Variants in SLC4A10 observed in about 807,000 individuals in gnomAD.
SLC4A10 encodes sodium-driven chloride bicarbonate exchanger.
A neutral mutation model predicts 137.7 loss-of-function variants in SLC4A10; 42 were observed. The ratio of observed to expected loss-of-function variants is 0.30; its 90% confidence interval spans 0.24 to 0.39. The LOEUF (loss-of-function observed/expected upper bound fraction) is 0.39, where lower values mean the gene tolerates loss of function less well. SLC4A10 is among the 10% of genes least tolerant of loss of function. SLC4A10 has a pLI of 1.00. For synonymous variants in SLC4A10, 474 were observed against 464.1 expected (o/e 1.02, Z -0.27); for missense variants, 925 against 1,355.0 (o/e 0.68, Z 4.98).
At chr2:161,633,885 T>C (rs1274707353) in intron 1 of SLC4A10, among the ~76,000 whole-genome samples, 1 of 151,796 alleles carries the variant, frequency 6.6e-6, no homozygotes, top group Non-Finnish European at 1.5e-5. Context: ...AAACTAATTT[T>C]ATCATTTTTT....
At chr2:161,941,623 A>T (rs553867455) in intron 15 of SLC4A10, among the ~76,000 whole-genome samples, 4 of 152,324 alleles carry the variant, frequency 2.6e-5, no homozygotes, top group Admixed American at 2.6e-4. Context: ...CTCCATGTTC[A>T]GTGTTCTCTT....
chr2:161,932,293 A>G (rs959849798), intron 15 of SLC4A10, among the ~76,000 whole-genome samples: 1 of 152,150 alleles, frequency 6.6e-6, no homozygotes, highest in African/African-American at 2.4e-5. Context: ...TTTTTACCTA[A>G]CACTGCCACT....
intron 8 of SLC4A10, among the ~76,000 whole-genome samples, chr2:161,878,280 A>G (rs1301244713): frequency 6.6e-6 from 1 of 152,158 alleles, no homozygotes; most frequent in African/African-American, 2.4e-5. Flanking sequence ...ATAAAAAGCT[A>G]CTCAAGTGAA....
At chr2:161,896,616 A>G (rs1305760999) in intron 11 of SLC4A10, among the ~76,000 whole-genome samples, 2 of 152,090 alleles carry the variant, frequency 1.3e-5, no homozygotes, top group Non-Finnish European at 2.9e-5. Flanking sequence ...ACTACAAACC[A>G]CTGCTCAATG....
intron 15 of SLC4A10, among the ~76,000 whole-genome samples, chr2:161,930,109 C>T (rs1690053115): frequency 6.6e-6 from 1 of 152,104 alleles, no homozygotes; most frequent in Non-Finnish European, 1.5e-5. Flanking sequence ...ATATTCATAG[C>T]CATCTGGTTC....
At chr2:161,715,472 G>T (rs533051282) in intron 1 of SLC4A10, among the ~76,000 whole-genome samples, 1 of 152,124 alleles carries the variant, frequency 6.6e-6, no homozygotes, top group South Asian at 2.1e-4. Flanking sequence ...GCATGCATTA[G>T]CTATTTTTCC....
In SLC4A10 at chr2:161,872,333, T is replaced by C; in HGVS notation, c.807T>C (p.Val269=). ...CTCCTCAGTCTGCTCCAGCCTGTGT[T>C]GAAAATAAAAATGATGTTAGCAGAG... The part of the protein sequence containing the change: ...VVSPQSAPAC[V]ENKNDVSREN... The change falls in exon 7 of 27, where the codon GTT becomes GTC. Residue 269 remains valine (V), a synonymous_variant. Coordinates refer to ENST00000446997, the MANE Select transcript of SLC4A10 (RefSeq NM_001178015.2). The C allele has an allele frequency of 1.9e-6, 3 of 1,613,692 alleles. No individual in the cohort carries two copies. Among genetic ancestry groups the C allele is most frequent in the Non-Finnish European group, 2.5e-6 (3 of 1,179,730 alleles).
intron 1 of SLC4A10, among the ~76,000 whole-genome samples, chr2:161,746,862 C>T (rs1447650498): frequency 2.0e-5 from 3 of 152,130 alleles, no homozygotes; most frequent in Non-Finnish European, 2.9e-5. Flanking sequence ...GTCCGAGTCA[C>T]TCTAGAAATG....
chr2:161,692,449 AT>A (rs1395786611), intron 1 of SLC4A10, among the ~76,000 whole-genome samples: 1 of 152,122 alleles, frequency 6.6e-6, no homozygotes, highest in Non-Finnish European at 1.5e-5. Context: ...CACCTCAAGT[AT>A]TTGAATATAA....
intron 1 of SLC4A10, among the ~76,000 whole-genome samples, chr2:161,666,063 A>G (rs1003115523): frequency 6.6e-6 from 1 of 151,138 alleles, no homozygotes; most frequent in Non-Finnish European, 1.5e-5. Flanking sequence ...AAGTGAACAT[A>G]TATATTCTCA....
chr2:161,672,571 C>T (rs1030665767), intron 1 of SLC4A10, among the ~76,000 whole-genome samples: 1 of 151,420 alleles, frequency 6.6e-6, no homozygotes, highest in Admixed American at 6.6e-5. Context: ...ATATCTTTGT[C>T]TTACTGATTT....
At chr2:161,826,299 T>A (rs754717798) in intron 3 of SLC4A10, among the ~76,000 whole-genome samples, 2 of 152,206 alleles carry the variant, frequency 1.3e-5, no homozygotes, top group Non-Finnish European at 2.9e-5. Flanking sequence ...GAAAAGTGTC[T>A]GTGATTCAGA....
intron 1 of SLC4A10, among the ~76,000 whole-genome samples, chr2:161,625,391 T>C (rs1162494772): frequency 1.3e-5 from 2 of 151,930 alleles, no homozygotes; most frequent in Non-Finnish European, 2.9e-5. Flanking sequence ...GAGCAGCTGC[T>C]GTTTCTGTGT....
chr2:161,885,325 A>G (rs1259653117), intron 10 of SLC4A10, among the ~76,000 whole-genome samples: 1 of 152,224 alleles, frequency 6.6e-6, no homozygotes, highest in Non-Finnish European at 1.5e-5. Context: ...TCAAACATAA[A>G]TTCCATGAGA....
intron 2 of SLC4A10, among the ~76,000 whole-genome samples, chr2:161,775,887 A>G (rs1457673702): frequency 6.6e-6 from 1 of 151,924 alleles, no homozygotes; most frequent in African/African-American, 2.4e-5. Flanking sequence ...TTAACTACTT[A>G]AATGATCATA....
chr2:161,905,586 A>G (rs1684174474), intron 14 of SLC4A10, 56 bp from the exon 15 acceptor site: 3 of 1,526,884 alleles, frequency 2.0e-6, no homozygotes, highest in Middle Eastern at 3.6e-4. Flanking sequence ...GCTTAAAATG[A>G]TAGCAAGCTG....
At chr2:161,674,690 C>A (rs1441941648) in intron 1 of SLC4A10, among the ~76,000 whole-genome samples, 1 of 152,102 alleles carries the variant, frequency 6.6e-6, no homozygotes, top group Non-Finnish European at 1.5e-5. Flanking sequence ...TTTATATATA[C>A]CCTGATTTGG....
intron 4 of SLC4A10, among the ~76,000 whole-genome samples, chr2:161,852,719 C>T (rs909612121): frequency 6.6e-6 from 1 of 151,988 alleles, no homozygotes; most frequent in Non-Finnish European, 1.5e-5. Context: ...ATTCAAATTA[C>T]TATATTATGG....
chr2:161,753,693 AACTTT>A (rs1380717624), intron 1 of SLC4A10, among the ~76,000 whole-genome samples: 1 of 152,040 alleles, frequency 6.6e-6, no homozygotes, highest in African/African-American at 2.4e-5. Context: ...GAAATTATCA[AACTTT>A]ACTTGTTATT....
Sources: allele counts gnomAD v4.1 joint callset (sites outside exome capture counted in the v4.1 genomes callset), GRCh38; gene constraint gnomAD v4.1.1; transcripts MANE v1.5; gene names NCBI Gene and HGNC (gene_info 2026-07-23, HGNC 2026-07-21).